Variants in USP3 observed in about 807,000 individuals in gnomAD.
USP3 encodes the protein ubiquitin carboxyl-terminal hydrolase 3.
USP3 carries 20 observed loss-of-function variants against 72.3 expected under a neutral mutation model. That is an observed-to-expected ratio of 0.28 (90% CI 0.19 to 0.40). The LOEUF is 0.40. USP3 is among the 10% of genes least tolerant of loss of function. USP3 has a pLI of 1.00. For synonymous variants in USP3, 222 were observed against 225.3 expected (o/e 0.99, Z 0.13); for missense variants, 479 against 633.9 (o/e 0.76, Z 2.62).
At chr15:63,521,046 AT>A (rs2065913710) in intron 1 of USP3, among the ~76,000 whole-genome samples, 1 of 151,300 alleles carries the variant, frequency 6.6e-6, no homozygotes, top group East Asian at 1.9e-4. Context: ...TTAATTTCTG[AT>A]TGATCTTTCC....
intron 4 of USP3, among the ~76,000 whole-genome samples, chr15:63,555,787 G>A (rs757361694): frequency 6.6e-6 from 1 of 152,162 alleles, no homozygotes; most frequent in Non-Finnish European, 1.5e-5. Context: ...ACACAGTTCT[G>A]AAGAACATTT....
chr15:63,542,823 A>T (rs1324424877), intron 3 of USP3, among the ~76,000 whole-genome samples: 1 of 152,178 alleles, frequency 6.6e-6, no homozygotes, highest in Non-Finnish European at 1.5e-5. Flanking sequence ...TGTCACTATT[A>T]TTAAGCATTG....
chr15:63,569,488 AC>A (rs2066745919), intron 8 of USP3, among the ~76,000 whole-genome samples: 1 of 152,186 alleles, frequency 6.6e-6, no homozygotes, highest in African/African-American at 2.4e-5. Flanking sequence ...ATTTTATGGA[AC>A]CGTTGCCTGG....
intron 1 of USP3, chr15:63,530,609 G>A (rs536711052): frequency 2.3e-6 from 1 of 433,706 alleles, no homozygotes; most frequent in East Asian, 8.5e-5. Flanking sequence ...CAGTGCACCT[G>A]GCCCCAAAGT....
chr15:63,558,332 T>A, intron 6 of USP3, 144 bp downstream of exon 6: 1 of 858,082 alleles, frequency 1.2e-6, no homozygotes, highest in Non-Finnish European at 1.8e-6. Context: ...TCCTCATCAG[T>A]AAAATTGGGG....
chr15:63,560,793 C>T (rs1361465938), intron 7 of USP3, among the ~76,000 whole-genome samples: 1 of 152,096 alleles, frequency 6.6e-6, no homozygotes, highest in Non-Finnish European at 1.5e-5. Flanking sequence ...TTCATTATGA[C>T]AATTGTAGTG....
Position 63,553,822 on chromosome 15 carries a change from A to G in USP3, c.368+24A>G. ...AAGTAAGTAATAGGCCTTTGGAAAA[A>G]GAAGGGCCTAAGAATGGGGTTGAGG... On this transcript the variant is annotated intron_variant, in intron 4 of 14. Transcript: ENST00000380324. The surrounding 1 kb of genome is among the most constrained non-coding windows in gnomAD (Gnocchi z 4.2). 6.3e-7 allele frequency: 1 copy of G among 1,597,512 alleles called. No individual in the cohort carries two copies. The highest frequency in any genetic ancestry group is 1.7e-4 in the Middle Eastern group (1 of 5,996).
At chr15:63,552,721 C>T (rs1050190957) in intron 3 of USP3, among the ~76,000 whole-genome samples, 6 of 151,950 alleles carry the variant, frequency 3.9e-5, no homozygotes, top group Non-Finnish European at 8.8e-5. Flanking sequence ...CTTTTCCCCA[C>T]CCCTTTCTCT....
Position 63,536,924 on chromosome 15 carries a change from ATTTC to A in USP3, c.153-97_153-94del, listed in dbSNP as rs371302474. ...CTACATGATTGACTGCTGTTATAGG[ATTTC>A]TTTATTTTGATTTGATTAATATTTA... On this transcript the variant is annotated intron_variant, in intron 2 of 14. Coordinates refer to ENST00000380324, the MANE Select transcript of USP3 (RefSeq NM_006537.4). 61 of 1,264,836 alleles carry A rather than the reference ATTTC, an allele frequency of 4.8e-5. 1 individual carries two copies. In the African/African-American group the frequency reaches 6.7e-4, roughly 14 times the overall value. 78.4% of individuals were successfully genotyped at this position (1,264,836 alleles called of 1,614,324 possible).
rs1347317357 is a variant in USP3, at chr15:63,589,836, C to G, written c.1397+825C>G. Among the ~76,000 whole-genome samples, 5 of 152,126 alleles carry G rather than the reference C, an allele frequency of 3.3e-5. No homozygotes were observed. In the East Asian group the frequency reaches 9.6e-4, roughly 29 times the overall value. On this transcript the variant is annotated intron_variant, in intron 14 of 14. Coordinates refer to ENST00000380324, the MANE Select transcript of USP3 (RefSeq NM_006537.4). ...GCCATGGCCTACTTTTCCAAATCAC[C>G]AATTTGGGTTTCATCTGTATCCAAA...
chr15:63,563,757 T>C (rs2066644701), intron 8 of USP3, among the ~76,000 whole-genome samples: 1 of 152,220 alleles, frequency 6.6e-6, no homozygotes, highest in African/African-American at 2.4e-5. Context: ...TATACATCCC[T>C]TCTACTTTTC....
chr15:63,593,881 G>A lies in USP3; in HGVS notation c.*3055G>A, dbSNP rs934691224. On this transcript the variant is annotated 3_prime_UTR_variant, in exon 15 of 15. Coordinates refer to ENST00000380324, the MANE Select transcript of USP3 (RefSeq NM_006537.4). ...CTCGCGCTGAGTCACATGGCTCCTT[G>A]GAACAAGAAAACTTTCTCAGAAGTC... 2.0e-5 allele frequency: 3 copies of A among 152,224 alleles called. No individual in the cohort carries two copies. The highest frequency in any genetic ancestry group is 7.2e-5 in the African/African-American group (3 of 41,462). 9.4% of individuals were successfully genotyped at this position (152,224 alleles called of 1,614,324 possible). A position where few individuals can be genotyped will look rare whatever the true frequency, so the allele number is the denominator to read the frequency against.
rs867785975 is a variant in USP3, at chr15:63,529,418, C to T, written c.92-3229C>T. On this transcript the variant is annotated intron_variant, in intron 1 of 14. Transcript: ENST00000380324. This position sits in a 1 kb window ranked among gnomAD's most constrained non-coding sequence, Gnocchi z 4.2. ...TACAAGTACCATCTCTATCTAGTTC[C>T]GAAACATTTTCATAACCCCAAAATA... Among the ~76,000 whole-genome samples the T allele has an allele frequency of 4.6e-5, 7 of 151,968 alleles. No homozygotes were observed. The highest frequency in any genetic ancestry group is 2.1e-4 in the South Asian group (1 of 4,822).
intron 3 of USP3, among the ~76,000 whole-genome samples, chr15:63,547,804 TAG>T (rs2066364128): frequency 2.5e-5 from 1 of 39,996 alleles, no homozygotes; most frequent in Non-Finnish European, 4.6e-5. Context: ...GAGAGAGGCA[TAG>T]AGAGAGGCAT....
chr15:63,594,395 G>C lies in USP3; in HGVS notation c.*3569G>C, dbSNP rs556549890. 1.3e-5 allele frequency: 2 copies of C among 152,284 alleles called. No individual in the cohort carries two copies. Among genetic ancestry groups the C allele is most frequent in the Non-Finnish European group, 2.9e-5 (2 of 68,088 alleles). The allele number at this position is 152,284 out of a possible 1,614,324, so 9.4% of individuals were successfully genotyped here. On this transcript the variant is annotated 3_prime_UTR_variant, in exon 15 of 15. Coordinates refer to ENST00000380324, the MANE Select transcript of USP3 (RefSeq NM_006537.4). The stretch of plus-strand genomic sequence containing the variant: ...GTCATCTGTAGTCCAAGGTCTCTGC[G>C]TCTCGTCAGTGGGTGCAGTGCCTTC...
rs1189264925 is a variant in USP3 at position 63,593,257 on chromosome 15, C to T, written c.*2431C>T. 6.6e-6 allele frequency: 1 copy of T among 152,204 alleles called. No individual in the cohort carries two copies. The highest frequency in any genetic ancestry group is 2.4e-5 in the African/African-American group (1 of 41,452). 9.4% of individuals were successfully genotyped at this position (152,204 alleles called of 1,614,324 possible). A position where few individuals can be genotyped will look rare whatever the true frequency, so the allele number is the denominator to read the frequency against. On this transcript the variant is annotated 3_prime_UTR_variant, in exon 15 of 15. Coordinates refer to ENST00000380324, the MANE Select transcript of USP3 (RefSeq NM_006537.4). ...GTTCTGATCTACAAAAATGACAGCTCCACCTGATCTGATGTATCACACATT... is the reference window on the plus strand; with the variant it reads ...GTTCTGATCTACAAAAATGACAGCTTCACCTGATCTGATGTATCACACATT...
intron 5 of USP3, 27 bp downstream of exon 5, chr15:63,556,775 TAA>T: frequency 3.5e-6 from 5 of 1,436,312 alleles, no homozygotes; most frequent in Non-Finnish European, 3.8e-6. Flanking sequence ...TATTCAAATA[TAA>T]GAGTTAGTTG....
In USP3 at chr15:63,592,893, G is replaced by C. The variant is rs2067230890; in HGVS notation, c.*2067G>C. ...ACTGGATAAATCCCACATCTTCCCAGAACACATCTGCTAAACACTTTAACA... is the reference window on the plus strand; with the variant it reads ...ACTGGATAAATCCCACATCTTCCCACAACACATCTGCTAAACACTTTAACA... On this transcript the variant is annotated 3_prime_UTR_variant, in exon 15 of 15. Coordinates refer to ENST00000380324, the MANE Select transcript of USP3 (RefSeq NM_006537.4). 6.6e-6 allele frequency: 1 copy of C among 151,966 alleles called. No homozygotes were observed. Among genetic ancestry groups the C allele is most frequent in the Non-Finnish European group, 1.5e-5 (1 of 68,018 alleles). 9.4% of individuals were successfully genotyped at this position (151,966 alleles called of 1,614,324 possible). A position where few individuals can be genotyped will look rare whatever the true frequency, so the allele number is the denominator to read the frequency against.
chr15:63,506,341 CTT>C (rs993803115), intron 1 of USP3, among the ~76,000 whole-genome samples: 4 of 146,306 alleles, frequency 2.7e-5, no homozygotes, highest in African/African-American at 1.0e-4. Context: ...ATAATTGTAA[CTT>C]AATTTTTTTC....
Sources: allele counts gnomAD v4.1 joint callset (sites outside exome capture counted in the v4.1 genomes callset), GRCh38; gene constraint gnomAD v4.1.1; non-coding constraint Gnocchi (gnomAD v3.1); transcripts MANE v1.5; gene names NCBI Gene and HGNC (gene_info 2026-07-23, HGNC 2026-07-21).